The following ARID2 variants were observed in gnomAD, a reference collection of about 807,000 sequenced individuals.
ARID2 encodes AT-rich interactive domain-containing protein 2.
ARID2 carries 32 observed loss-of-function variants against 184.6 expected under a neutral mutation model. The ratio of observed to expected loss-of-function variants is 0.17; its 90% CI spans 0.13 to 0.23. ARID2 has a LOEUF of 0.23. Ranked by LOEUF, ARID2 falls within the 10% of genes least tolerant of loss-of-function variation. The pLI, the probability that ARID2 is intolerant of heterozygous loss-of-function variation, is 1.00. For missense variants in ARID2, 1,696 were observed against 2,197.6 expected (o/e 0.77, Z 4.56); for synonymous variants, 836 against 772.6 (o/e 1.08, Z -1.36).
At chr12:45,868,433 T>C (rs1239763229) in intron 16 of ARID2, among the ~76,000 whole-genome samples, 1 of 152,122 alleles carries the variant, frequency 6.6e-6, no homozygotes. Context: ...AAAGCGAGAC[T>C]CTGTCTCAAA....
At chr12:45,752,783 A>G (rs1050352389) in intron 3 of ARID2, among the ~76,000 whole-genome samples, 2 of 152,234 alleles carry the variant, frequency 1.3e-5, no homozygotes, top group Non-Finnish European at 2.9e-5. Context: ...GGCGTGAGCC[A>G]CTGTACCAGG....
chr12:45,755,538 G>A (rs1941551623), intron 3 of ARID2, among the ~76,000 whole-genome samples: 1 of 152,198 alleles, frequency 6.6e-6, no homozygotes, highest in African/African-American at 2.4e-5. Context: ...TTGATTTACA[G>A]AAGAACAGGT....
At chr12:45,741,296 C>T (rs1941250590) in intron 3 of ARID2, among the ~76,000 whole-genome samples, 2 of 152,154 alleles carry the variant, frequency 1.3e-5, no homozygotes, top group African/African-American at 4.8e-5. Flanking sequence ...CCTTCCAGCT[C>T]AAGCCATCCT....
chr12:45,855,829 A>G (rs572085085), intron 15 of ARID2, among the ~76,000 whole-genome samples: 5 of 152,086 alleles, frequency 3.3e-5, no homozygotes, highest in African/African-American at 9.6e-5. Context: ...TAATCCTTCC[A>G]CCTCAGCCTC....
At chr12:45,901,123 CTGTTTAA>C (rs1944451179) in intron 20 of ARID2, among the ~76,000 whole-genome samples, 1 of 119,224 alleles carries the variant, frequency 8.4e-6, no homozygotes, top group African/African-American at 3.4e-5. Flanking sequence ...TGTTTTCTCT[CTGTTTAA>C]TCTATTTTTT....
At chr12:45,883,485 T>C (rs1242079262) in intron 16 of ARID2, among the ~76,000 whole-genome samples, 3 of 149,536 alleles carry the variant, frequency 2.0e-5, no homozygotes, top group African/African-American at 7.4e-5. Context: ...ACCTTATTTA[T>C]TCCTTGGAAA....
At chr12:45,831,061 A>G (rs1220435924) in intron 6 of ARID2, among the ~76,000 whole-genome samples, 1 of 151,368 alleles carries the variant, frequency 6.6e-6, no homozygotes, top group African/African-American at 2.4e-5. Flanking sequence ...AAAAAAAGGC[A>G]TTAGAAGAAA....
intron 5 of ARID2, among the ~76,000 whole-genome samples, chr12:45,820,376 A>T (rs1565608505): frequency 6.6e-6 from 1 of 152,184 alleles, no homozygotes; most frequent in Non-Finnish European, 1.5e-5. Context: ...TATTTTACTC[A>T]ATTTTAACTA....
intron 20 of ARID2, chr12:45,904,320 C>G: frequency 2.8e-6 from 2 of 715,742 alleles, no homozygotes; most frequent in Non-Finnish European, 5.2e-6. Context: ...TGTTTTCTGA[C>G]ACCATTTTCT....
At chr12:45,806,517 A>G (rs1176142292) in intron 3 of ARID2, among the ~76,000 whole-genome samples, 1 of 152,140 alleles carries the variant, frequency 6.6e-6, no homozygotes, top group Non-Finnish European at 1.5e-5. Context: ...TATTTATCAT[A>G]CATATCTTTC....
At chr12:45,859,726 A>G (rs1177139339) in intron 15 of ARID2, among the ~76,000 whole-genome samples, 2 of 152,170 alleles carry the variant, frequency 1.3e-5, no homozygotes, top group African/African-American at 4.8e-5. Flanking sequence ...CTTTATGCCT[A>G]CAATTAGAAT....
At chr12:45,731,556 A>G (rs1199972785) in intron 3 of ARID2, among the ~76,000 whole-genome samples, 2 of 152,182 alleles carry the variant, frequency 1.3e-5, no homozygotes, top group Non-Finnish European at 1.5e-5. Flanking sequence ...CCCAGCCCCA[A>G]TCTTGGTAAA....
At position 45,852,267 on chromosome 12, in the gene ARID2, T is replaced by G; in HGVS notation, c.4144T>G (p.Ser1382Ala). 1 of 1,614,080 alleles carries G rather than the reference T, an allele frequency of 6.2e-7. No homozygotes were observed. The highest frequency in any genetic ancestry group is 1.3e-5 in the African/African-American group (1 of 75,042). ...LSKNIPNHKT[S>A]NHVGNGEISP... The stretch of plus-strand genomic sequence containing the variant: ...CAAAAACATTCCAAATCATAAAACT[T>G]CCAATCATGTAGGAAATGGTGAGAT... The change falls in exon 15 of 21, where the codon TCC (serine) becomes GCC (alanine). Residue 1382 changes from serine (S) to alanine (A), a missense_variant. Ser to Ala is a moderately conservative substitution (Grantham distance 99). Around this residue, in one of 11 missense-constraint regions of ARID2, gnomAD observed 428 missense variants for 409.1 expected, o/e 1.05. Transcript: ENST00000334344.
intron 4 of ARID2, 48 bp from the exon 5 acceptor site, chr12:45,817,622 A>G (rs1942828245): frequency 7.6e-7 from 1 of 1,322,098 alleles, no homozygotes; most frequent in Non-Finnish European, 1.1e-6. Flanking sequence ...ATTCACCATA[A>G]AGGTATCTGA....
chr12:45,759,658 A>G (rs961737595), intron 3 of ARID2, among the ~76,000 whole-genome samples: 1 of 152,214 alleles, frequency 6.6e-6, no homozygotes, highest in African/African-American at 2.4e-5. Flanking sequence ...CCTAGGAATT[A>G]GTTCCATTTA....
chr12:45,814,721 A>T (rs1592093600), intron 4 of ARID2, among the ~76,000 whole-genome samples: 1 of 152,180 alleles, frequency 6.6e-6, no homozygotes. Context: ...CCTTGAGGGA[A>T]TGAAAGGAGG....
At chr12:45,826,885 T>C (rs1943012297) in intron 6 of ARID2, among the ~76,000 whole-genome samples, 1 of 152,118 alleles carries the variant, frequency 6.6e-6, no homozygotes, top group African/African-American at 2.4e-5. Flanking sequence ...AAAAGTTTTA[T>C]TCAGAATTTA....
At chr12:45,816,995 AG>A (rs1235373461) in intron 4 of ARID2, among the ~76,000 whole-genome samples, 2 of 152,242 alleles carry the variant, frequency 1.3e-5, no homozygotes, top group Non-Finnish European at 2.9e-5. Flanking sequence ...AACTAAAATT[AG>A]CATGGGTTTT....
At chr12:45,762,255 G>C (rs1941697873) in intron 3 of ARID2, among the ~76,000 whole-genome samples, 3 of 151,962 alleles carry the variant, frequency 2.0e-5, no homozygotes, top group Non-Finnish European at 4.4e-5. Context: ...TAAAATGCTG[G>C]TATATTTAGA....
Sources: gnomAD v4.1 joint callset for allele counts (sites outside exome capture counted in the v4.1 genomes callset) on GRCh38, gnomAD v4.1.1 for gene constraint, gnomAD v4.1.1 regional missense constraint, MANE v1.5 for transcripts, NCBI Gene and HGNC (gene_info 2026-07-23, HGNC 2026-07-21) for gene names.